The following SLC35D4 variants were observed in gnomAD, a reference collection of about 807,000 sequenced individuals.
The protein encoded by SLC35D4 is solute carrier family 35 member D4, also known as UDP-N-acetylglucosamine transporter SLC35D4.
At chr18:23,381,894 A>C in the SLC35D4 span, among the ~76,000 whole-genome samples, 2 of 152,190 alleles carry the variant, frequency 1.3e-5, no homozygotes, top group Non-Finnish European at 2.9e-5. Context: ...TATCCAGGTA[A>C]ATCTTCATTT....
At chr18:23,399,391 C>A in the SLC35D4 span, among the ~76,000 whole-genome samples, 2 of 152,224 alleles carry the variant, frequency 1.3e-5, no homozygotes, top group Admixed American at 1.3e-4. Context: ...CCTTGTAACA[C>A]AAGTTGGCCT....
chr18:23,270,814 A>C, the SLC35D4 span, among the ~76,000 whole-genome samples: 46 of 152,360 alleles, frequency 3.0e-4, no homozygotes, highest in Admixed American at 2.4e-3. Context: ...CTGTCTAGGC[A>C]GTGGGCAAGA....
the SLC35D4 span, among the ~76,000 whole-genome samples, chr18:23,246,646 C>G: frequency 6.6e-6 from 1 of 151,680 alleles, no homozygotes; most frequent in African/African-American, 2.4e-5. Context: ...CCACCTTGGC[C>G]TCCCAAAGTG....
the SLC35D4 span, among the ~76,000 whole-genome samples, chr18:23,427,884 C>G: frequency 6.6e-6 from 1 of 152,122 alleles, no homozygotes; most frequent in African/African-American, 2.4e-5. Flanking sequence ...ATGGATGAAG[C>G]TGGAAACCAT....
chr18:23,248,321 G>C, the SLC35D4 span, among the ~76,000 whole-genome samples: 1 of 152,156 alleles, frequency 6.6e-6, no homozygotes, highest in Non-Finnish European at 1.5e-5. Context: ...AATGCAATCA[G>C]CAGAATACAG....
chr18:23,274,084 G>A, the SLC35D4 span, among the ~76,000 whole-genome samples: 8 of 152,142 alleles, frequency 5.3e-5, no homozygotes, highest in South Asian at 2.1e-4. Context: ...ACAGGTGCAC[G>A]CCACCACGCC....
chr18:23,270,598 G>A, the SLC35D4 span, among the ~76,000 whole-genome samples: 1 of 152,232 alleles, frequency 6.6e-6, no homozygotes, highest in Non-Finnish European at 1.5e-5. Flanking sequence ...AAAGCAGCCA[G>A]GAGGGGAACT....
At chr18:23,383,501 A>G in the SLC35D4 span, among the ~76,000 whole-genome samples, 3 of 152,024 alleles carry the variant, frequency 2.0e-5, no homozygotes, top group African/African-American at 7.2e-5. Context: ...CAGCCAGGAC[A>G]GTTTCAGGGG....
chr18:23,374,951 C>T, the SLC35D4 span, among the ~76,000 whole-genome samples: 1 of 151,822 alleles, frequency 6.6e-6, no homozygotes, highest in Non-Finnish European at 1.5e-5. Context: ...CCCTTTTCTA[C>T]TAAAAGCACA....
At chr18:23,309,653 C>T in the SLC35D4 span, 2 of 1,609,664 alleles carry the variant, frequency 1.2e-6, no homozygotes, top group Non-Finnish European at 1.7e-6. Flanking sequence ...CTAATTGGCA[C>T]TTTATCTCTC....
At chr18:23,371,935 G>GTTTTTTTTTGTTT in the SLC35D4 span, among the ~76,000 whole-genome samples, 2 of 35,474 alleles carry the variant, frequency 5.6e-5, no homozygotes, top group African/African-American at 2.4e-4. Flanking sequence ...TGTTTTTTTT[G>GTTTTTTTTTGTTT]TTTTTTTTTT....
chr18:23,264,416 G>A, the SLC35D4 span, among the ~76,000 whole-genome samples: 1 of 135,266 alleles, frequency 7.4e-6, no homozygotes, highest in South Asian at 2.5e-4. Context: ...AGGCTGGAGT[G>A]CAGTGGTGCG....
the SLC35D4 span, among the ~76,000 whole-genome samples, chr18:23,388,347 T>A: frequency 2.0e-5 from 3 of 152,226 alleles, no homozygotes; most frequent in Admixed American, 6.5e-5. Context: ...TTCTCTTATT[T>A]AAACCTCCTC....
the SLC35D4 span, among the ~76,000 whole-genome samples, chr18:23,277,762 G>A: frequency 6.6e-6 from 1 of 152,126 alleles, no homozygotes; most frequent in African/African-American, 2.4e-5. Context: ...AGAGGAACTT[G>A]TTAGGCATCA....
chr18:23,303,168 G>A, the SLC35D4 span, among the ~76,000 whole-genome samples: 2 of 152,180 alleles, frequency 1.3e-5, no homozygotes, highest in African/African-American at 4.8e-5. Context: ...TATGGACAAG[G>A]CAGAACAGCT....
chr18:23,241,780 T>C, the SLC35D4 span, among the ~76,000 whole-genome samples: 1 of 152,156 alleles, frequency 6.6e-6, no homozygotes, highest in Non-Finnish European at 1.5e-5. Flanking sequence ...CTAAGTGTAA[T>C]ATAAAAAGGC....
At chr18:23,409,845 T>TA in the SLC35D4 span, among the ~76,000 whole-genome samples, 13 of 29,762 alleles carry the variant, frequency 4.4e-4, 2 homozygotes, top group South Asian at 4.6e-3. Flanking sequence ...CTCCGTCTCT[T>TA]AAAAAAAAAA....
At chr18:23,397,096 G>T in the SLC35D4 span, among the ~76,000 whole-genome samples, 1 of 152,052 alleles carries the variant, frequency 6.6e-6, no homozygotes, top group African/African-American at 2.4e-5. Context: ...TGTGTGTGTG[G>T]GGCGGCGGGG....
At chr18:23,357,617 G>C in the SLC35D4 span, among the ~76,000 whole-genome samples, 1 of 152,186 alleles carries the variant, frequency 6.6e-6, no homozygotes, top group Admixed American at 6.5e-5. Flanking sequence ...AGTATATTAA[G>C]TGTACAGTGG....
Sources: allele counts gnomAD v4.1 joint callset (sites outside exome capture counted in the v4.1 genomes callset), GRCh38; gene constraint gnomAD v4.1.1; transcripts MANE v1.5; gene names NCBI Gene and HGNC (gene_info 2026-07-23, HGNC 2026-07-21).